Variants in SHTN1 observed in about 807,000 individuals in gnomAD.
The protein encoded by SHTN1 is shootin-1.
A neutral mutation model predicts 83.1 loss-of-function variants in SHTN1; 42 were observed. That is an observed-to-expected ratio of 0.51 (90% CI 0.39 to 0.65). SHTN1 has a LOEUF of 0.65. SHTN1 is among the 30% of genes least tolerant of loss of function. SHTN1 has a pLI of 0.00. For synonymous variants in SHTN1, 224 were observed against 247.7 expected (o/e 0.90, Z 0.90); for missense variants, 622 against 737.8 (o/e 0.84, Z 1.82).
chr10:117,099,964 G>A (rs1853564284), intron 1 of SHTN1, among the ~76,000 whole-genome samples: 1 of 151,900 alleles, frequency 6.6e-6, no homozygotes, highest in East Asian at 1.9e-4. Context: ...GATCATCTGA[G>A]GTCGGGAGTT....
intron 1 of SHTN1, among the ~76,000 whole-genome samples, chr10:117,109,698 G>A (rs2133637770): frequency 6.6e-6 from 1 of 150,480 alleles, no homozygotes; most frequent in East Asian, 2.0e-4. Context: ...CCAAGTAGCT[G>A]GGACTATAGG....
chr10:117,125,626 C>A (rs1853992551), intron 1 of SHTN1, among the ~76,000 whole-genome samples: 1 of 152,128 alleles, frequency 6.6e-6, no homozygotes, highest in Admixed American at 6.6e-5. Context: ...CACCTCTACT[C>A]GATGTGAGAC....
chr10:117,085,829 A>ATT (rs201396794), intron 1 of SHTN1, among the ~76,000 whole-genome samples: 3 of 143,630 alleles, frequency 2.1e-5, no homozygotes, highest in Admixed American at 6.9e-5. Context: ...TAAAATTGTT[A>ATT]TTTTTTTTGC....
intron 1 of SHTN1, among the ~76,000 whole-genome samples, chr10:117,076,135 A>G (rs1025617124): frequency 1.0e-4 from 15 of 148,484 alleles, no homozygotes; most frequent in Non-Finnish European, 2.2e-4. Flanking sequence ...GTAAGCTGAG[A>G]TTGTTCCACT....
chr10:116,981,047 G>A (rs1468087371), intron 1 of SHTN1, among the ~76,000 whole-genome samples: 1 of 152,122 alleles, frequency 6.6e-6, no homozygotes, highest in Non-Finnish European at 1.5e-5. Flanking sequence ...GGCTGGGCGT[G>A]GTGGCTCACG....
chr10:116,959,969 T>G (rs1850123811), intron 4 of SHTN1, among the ~76,000 whole-genome samples, 167 bp downstream of exon 4: 1 of 152,224 alleles, frequency 6.6e-6, no homozygotes, highest in African/African-American at 2.4e-5. Flanking sequence ...AGGTGAATAT[T>G]TACATAATCA....
chr10:116,894,886 C>T lies in SHTN1; in HGVS notation c.1673+6879G>A, dbSNP rs1469625202. Among the ~76,000 whole-genome samples the T allele has an allele frequency of 5.9e-5, 9 of 152,280 alleles. No individual in the cohort carries two copies. In the South Asian group the frequency reaches 1.0e-3, roughly 18 times the overall value. On this transcript the variant is annotated intron_variant, in intron 16 of 16. Transcript: ENST00000355371. Reference sequence around the variant, plus strand: ...GCAAGAAAACATGAAACTCTTAAGCCTCTGCCTGACTGTGATGCAGACACA... The same window carrying T: ...GCAAGAAAACATGAAACTCTTAAGCTTCTGCCTGACTGTGATGCAGACACA...
intron 1 of SHTN1, 116 bp from the exon 2 acceptor site, chr10:116,979,424 G>A: frequency 1.3e-6 from 1 of 784,020 alleles, no homozygotes; most frequent in Non-Finnish European, 2.2e-6. Context: ...GGGTGGAGAA[G>A]AGGCTGCAGA....
chr10:117,075,212 T>A (rs1300207697), intron 1 of SHTN1, among the ~76,000 whole-genome samples: 1 of 152,208 alleles, frequency 6.6e-6, no homozygotes, highest in Non-Finnish European at 1.5e-5. Context: ...TTACTCTGCA[T>A]CCTGAGAATC....
At chr10:116,900,835 A>G (rs1197964618) in intron 16 of SHTN1, 1 of 985,330 alleles carries the variant, frequency 1.0e-6, no homozygotes, top group African/African-American at 1.7e-5. Context: ...AAATCAGCAA[A>G]GAAGGCCATT....
chr10:116,939,011 G>GC (rs1044302949), intron 9 of SHTN1, among the ~76,000 whole-genome samples: 11 of 152,264 alleles, frequency 7.2e-5, no homozygotes, highest in African/African-American at 2.2e-4. Context: ...CAGACACCCT[G>GC]CCCCCCACCA....
chr10:116,881,533 C>CA lies in SHTN1; in HGVS notation c.*4810_*4811insT. On this transcript the variant is annotated 3_prime_UTR_variant, in exon 17 of 17. Coordinates refer to ENST00000355371, the MANE Select transcript of SHTN1 (RefSeq NM_001127211.3). ...TAAATAGGTTTCAAAGAAGAACACA[C>CA]TTTTTTTTACTTTAATGAGGAAGCT... is the stretch of plus-strand genomic sequence containing the variant. The CA allele has an allele frequency of 6.5e-7, 1 of 1,543,152 alleles. No individual in the cohort carries two copies.
chr10:117,054,979 T>C (rs1441750874), intron 1 of SHTN1, among the ~76,000 whole-genome samples: 3 of 152,144 alleles, frequency 2.0e-5, no homozygotes, highest in Non-Finnish European at 2.9e-5. Context: ...ACTGAGTAAT[T>C]TATGAGGAAA....
chr10:117,016,054 G>C (rs1253763790), intron 2 of SHTN1, among the ~76,000 whole-genome samples: 1 of 152,028 alleles, frequency 6.6e-6, no homozygotes, highest in Non-Finnish European at 1.5e-5. Flanking sequence ...ATGTGTTTGA[G>C]GTATATATAT....
intron 1 of SHTN1, among the ~76,000 whole-genome samples, chr10:117,054,392 C>T (rs1049394782): frequency 1.3e-5 from 2 of 151,478 alleles, no homozygotes; most frequent in East Asian, 3.9e-4. Context: ...CTGACTCTGA[C>T]ATAGCATCCT....
intron 1 of SHTN1, among the ~76,000 whole-genome samples, chr10:117,098,396 CAAAAAAAAAAAA>C (rs11321262): frequency 3.3e-5 from 2 of 61,068 alleles, no homozygotes; most frequent in Non-Finnish European, 6.4e-5. Flanking sequence ...CACTCCGTCT[CAAAAAAAAAAAA>C]AAAAAAAAAA....
chr10:116,899,599 G>T (rs558066619), intron 16 of SHTN1, among the ~76,000 whole-genome samples: 1 of 151,372 alleles, frequency 6.6e-6, no homozygotes, highest in African/African-American at 2.4e-5. Context: ...ATTTAGAGCC[G>T]ACTGTCATTG....
chr10:116,911,637 A>G, intron 14 of SHTN1, 153 bp downstream of exon 14: 1 of 1,559,494 alleles, frequency 6.4e-7, no homozygotes, highest in Non-Finnish European at 8.7e-7. Context: ...GTGATGGAGC[A>G]GTCTGTAAGC....
chr10:117,037,998 C>CAAAAAAAAAAAAAA (rs71013632), intron 2 of SHTN1, among the ~76,000 whole-genome samples: 1 of 75,494 alleles, frequency 1.3e-5, no homozygotes, highest in Non-Finnish European at 2.3e-5. Context: ...AGCGAGACTT[C>CAAAAAAAAAAAAAA]AAAAAAAAAA....
Sources: allele counts gnomAD v4.1 joint callset (sites outside exome capture counted in the v4.1 genomes callset), GRCh38; gene constraint gnomAD v4.1.1; transcripts MANE v1.5; gene names NCBI Gene and HGNC (gene_info 2026-07-23, HGNC 2026-07-21).